The following VOPP1 variants were observed in gnomAD, a reference collection of about 807,000 sequenced individuals.
VOPP1 encodes WW domain binding protein VOPP1.
Under a neutral mutation model 23.5 loss-of-function variants are expected in VOPP1, and 8 were observed. The ratio of observed to expected loss-of-function variants is 0.34; its 90% CI spans 0.20 to 0.61. The LOEUF (loss-of-function observed/expected upper bound fraction) is 0.61, where lower values mean the gene tolerates loss of function less well. Among genes scored for constraint, VOPP1 ranks in the 20% least tolerant of loss-of-function variants. The pLI is 0.78. For missense variants in VOPP1, 174 were observed against 238.1 expected (o/e 0.73, Z 1.77); for synonymous variants, 83 against 97.3 (o/e 0.85, Z 0.86).
intron 4 of VOPP1, among the ~76,000 whole-genome samples, chr7:55,439,479 T>C (rs753730611): frequency 8.6e-5 from 13 of 151,826 alleles, no homozygotes; most frequent in Non-Finnish European, 1.2e-4. Context: ...GTGAGCGAAA[T>C]AGGGTCAAGA....
rs373635863 is a variant in VOPP1 at position 55,461,300 on chromosome 7, G to A, written n.418-25126C>T. On this transcript the variant is annotated intron_variant and non_coding_transcript_variant, in intron 4 of 4. Coordinates refer to the VOPP1 transcript ENST00000462326. ...AGGGTGCAGTGTATTCTGCTTGGGT[G>A]ATGGGTGCATCAAAATCTCACAAAT... is the stretch of plus-strand genomic sequence containing the variant. 1.8e-4 allele frequency among the ~76,000 whole-genome samples: 27 copies of A among 152,190 alleles called. No homozygotes were observed. The South Asian group carries it at 5.6e-3, about 32-fold the overall frequency.
rs780124600 is a variant in VOPP1, at chr7:55,572,360, G to A, written c.-36C>T. On this transcript the variant is annotated 5_prime_UTR_variant, in exon 1 of 5. Transcript: ENST00000285279. ...GTCCTCTCCAGCGCGCCCGGACGCC[G>A]GGTCGCAGGCGCGCTTCGCGACTCG... 248 of 1,309,758 alleles carry A rather than the reference G, an allele frequency of 1.9e-4. No individual in the cohort carries two copies. The highest frequency in any genetic ancestry group is 2.3e-4 in the Non-Finnish European group (234 of 1,029,192). The allele number at this position is 1,309,758 out of a possible 1,614,324, so 81.1% of individuals were successfully genotyped here.
intron 1 of VOPP1, among the ~76,000 whole-genome samples, chr7:55,556,481 T>A (rs994877178): frequency 6.6e-6 from 1 of 151,538 alleles, no homozygotes; most frequent in Non-Finnish European, 1.5e-5. Flanking sequence ...ATAACCAAAA[T>A]GCATAACGTG....
chr7:55,534,579 C>A (rs1562603958), intron 1 of VOPP1, among the ~76,000 whole-genome samples: 1 of 152,242 alleles, frequency 6.6e-6, no homozygotes, highest in Non-Finnish European at 1.5e-5. Flanking sequence ...TCAATTCTCT[C>A]TGGGCCCAGG....
downstream of VOPP1, among the ~76,000 whole-genome samples, chr7:55,468,953 T>C (rs1188979398): frequency 6.6e-6 from 1 of 152,240 alleles, no homozygotes; most frequent in Non-Finnish European, 1.5e-5. Context: ...TCAAAGTGAC[T>C]ATCAAAGCTT....
At chr7:55,555,510 G>C (rs576665035) in intron 1 of VOPP1, among the ~76,000 whole-genome samples, 1 of 152,322 alleles carries the variant, frequency 6.6e-6, no homozygotes, top group South Asian at 2.1e-4. Context: ...GGGACACAGT[G>C]GGGGTAACCA....
At chr7:55,504,685 A>G (rs1794594173) in intron 2 of VOPP1, among the ~76,000 whole-genome samples, 1 of 152,250 alleles carries the variant, frequency 6.6e-6, no homozygotes. Flanking sequence ...AGGCCCCACT[A>G]GGCTGATTCA....
chr7:55,466,687 G>A (rs1791640123), downstream of VOPP1, among the ~76,000 whole-genome samples: 1 of 152,162 alleles, frequency 6.6e-6, no homozygotes, highest in Non-Finnish European at 1.5e-5. Context: ...GAGATGGGAT[G>A]TCACTATGTT....
chr7:55,532,692 G>C (rs1796565706), intron 1 of VOPP1, among the ~76,000 whole-genome samples: 1 of 152,020 alleles, frequency 6.6e-6, no homozygotes, highest in East Asian at 1.9e-4. Flanking sequence ...ATCTGAGGGA[G>C]GCTCCTCCCC....
At chr7:55,516,932 A>ATATATATATTTTT (rs1562947689) in intron 2 of VOPP1, among the ~76,000 whole-genome samples, 1 of 45,158 alleles carries the variant, frequency 2.2e-5, no homozygotes, top group African/African-American at 1.2e-4. Flanking sequence ...ATATATATAT[A>ATATATATATTTTT]TTTTTTTTTT....
At chr7:55,455,731 G>C (rs1183418528) in intron 4 of VOPP1, among the ~76,000 whole-genome samples, 1 of 152,186 alleles carries the variant, frequency 6.6e-6, no homozygotes, top group African/African-American at 2.4e-5. Flanking sequence ...AAATGGTGTT[G>C]AGAAAACTGG....
intron 2 of VOPP1, among the ~76,000 whole-genome samples, chr7:55,518,842 CA>C (rs1393149092): frequency 6.6e-6 from 1 of 152,124 alleles, no homozygotes; most frequent in Admixed American, 6.6e-5. Context: ...AAAAAAGTGA[CA>C]TGGAAATTTA....
chr7:55,517,442 TC>T (rs1163782654), intron 2 of VOPP1, among the ~76,000 whole-genome samples: 1 of 151,918 alleles, frequency 6.6e-6, no homozygotes, highest in Non-Finnish European at 1.5e-5. Context: ...GCCATCACCA[TC>T]CCCGGGACAG....
At chr7:55,475,877 G>T (rs1462926373) in intron 4 of VOPP1, among the ~76,000 whole-genome samples, 2 of 152,246 alleles carry the variant, frequency 1.3e-5, no homozygotes, top group African/African-American at 4.8e-5. Flanking sequence ...CATGGGATGG[G>T]GATTGGGTGG....
intron 3 of VOPP1, among the ~76,000 whole-genome samples, chr7:55,493,772 T>G (rs1297389116): frequency 6.6e-6 from 1 of 152,096 alleles, no homozygotes; most frequent in Non-Finnish European, 1.5e-5. Context: ...ATCTACAACC[T>G]GGTAAGTGCT....
rs962991838 is a variant in VOPP1 at position 55,572,387 on chromosome 7, C to G, written c.-63G>C. ...GTCGCAGGCGCGCTTCGCGACTCGG[C>G]CCCCGCGCGGGGCGGGCGGGCAGAC... On this transcript the variant is annotated 5_prime_UTR_variant, in exon 1 of 5. Coordinates refer to ENST00000285279, the MANE Select transcript of VOPP1 (RefSeq NM_030796.5). 2.5e-6 allele frequency: 3 copies of G among 1,187,460 alleles called. No individual in the cohort carries two copies. In the African/African-American group the frequency reaches 4.9e-5, roughly 19 times the overall value. 73.6% of individuals were successfully genotyped at this position (1,187,460 alleles called of 1,614,324 possible).
At chr7:55,464,075 C>T (rs1791574365) in intron 4 of VOPP1, among the ~76,000 whole-genome samples, 1 of 152,144 alleles carries the variant, frequency 6.6e-6, no homozygotes, top group Admixed American at 6.5e-5. Flanking sequence ...CAGGCACAGG[C>T]TGTGGTGGGT....
intron 4 of VOPP1, among the ~76,000 whole-genome samples, chr7:55,444,425 A>G (rs1791045270): frequency 6.6e-6 from 1 of 152,200 alleles, no homozygotes; most frequent in African/African-American, 2.4e-5. Context: ...AGTCCCTATG[A>G]CATGGCAAGG....
At chr7:55,474,969 AG>A (rs1337379030) in intron 4 of VOPP1, among the ~76,000 whole-genome samples, 6 of 152,206 alleles carry the variant, frequency 3.9e-5, no homozygotes, top group Non-Finnish European at 7.3e-5. Context: ...GATGGAAATA[AG>A]CACGGCTGTA....
Sources: allele counts gnomAD v4.1 joint callset (sites outside exome capture counted in the v4.1 genomes callset), GRCh38; gene constraint gnomAD v4.1.1; transcripts MANE v1.5; gene names NCBI Gene and HGNC (gene_info 2026-07-23, HGNC 2026-07-21).